The following SLC44A4 variants were observed in gnomAD, a reference collection of about 807,000 sequenced individuals.
The protein encoded by SLC44A4 is solute carrier family 44 member 4.
SLC44A4 carries 74 observed loss-of-function variants against 97.0 expected under a neutral mutation model. That is an observed-to-expected ratio of 0.76 (90% CI 0.63 to 0.93). SLC44A4 has a LOEUF of 0.93. Among genes scored for constraint, SLC44A4 ranks in the 40% least tolerant of loss-of-function variants. The probability of loss-of-function intolerance (pLI) is 0.00; values close to 1 mark genes in which losing one functional copy is unlikely to be tolerated. For missense variants in SLC44A4, 799 were observed against 902.9 expected (o/e 0.88, Z 1.48); for synonymous variants, 325 against 363.8 (o/e 0.89, Z 1.21).
chr6:31,871,596 C>T (rs769262646), intron 7 of SLC44A4, 35 bp from the exon 8 acceptor site: 1 of 1,551,250 alleles, frequency 6.4e-7, no homozygotes, highest in Non-Finnish European at 8.9e-7. Context: ...GGTTGGGGGC[C>T]AGGAGCTCTG....
Position 31,864,882 on chromosome 6 carries a change from A to G in SLC44A4, c.1860T>C (p.Gly620=), listed in dbSNP as rs1173540092. The G allele has an allele frequency of 6.2e-7, 1 of 1,614,014 alleles. No homozygotes were observed. The highest frequency in any genetic ancestry group is 8.5e-7 in the Non-Finnish European group (1 of 1,179,970). ...AGTCTTTACCCAGCCCCGGGATGCG[A>G]CCGGAGAAAAAAAAGAAGGACAGGA... ...VGVLSFFFFS[G]RIPGLGKDFK... The change falls in exon 19 of 21, where the codon GGT becomes GGC. Residue 620 remains glycine, a synonymous_variant. Transcript: ENST00000229729.
chr6:31,875,117 G>T, intron 4 of SLC44A4, 89 bp from the exon 5 acceptor site: 2 of 1,049,306 alleles, frequency 1.9e-6, no homozygotes. Context: ...CAAGAATACA[G>T]TGGGCCCAGC....
chr6:31,877,952 G>A lies in SLC44A4; in HGVS notation c.41-870C>T, dbSNP rs976580722. ...AATGATTGACCTGAAGCCGCTCCAG[G>A]AAGTCTACTCGGGAGTCCTCACTGC... On this transcript the variant is annotated intron_variant, in intron 1 of 20. Transcript: ENST00000229729. The surrounding 1 kb of genome is among the most constrained non-coding windows in gnomAD (Gnocchi z 6.5). 2 of 152,202 alleles carry A rather than the reference G, an allele frequency of 1.3e-5. No individual in the cohort carries two copies. Among genetic ancestry groups the A allele is most frequent in the African/African-American group, 4.8e-5 (2 of 41,364 alleles). The allele number at this position is 152,202 out of a possible 1,614,324, so 9.4% of individuals were successfully genotyped here.
rs187672423 is a variant in SLC44A4 at position 31,878,472 on chromosome 6, C to T, written c.40+469G>A. Among the ~76,000 whole-genome samples the T allele has an allele frequency of 2.2e-4, 34 of 152,214 alleles. No homozygotes were observed. The highest frequency in any genetic ancestry group is 1.4e-3 in the East Asian group (7 of 5,162). ...GAGCCGGCAGACCACAAGCAGCTTT[C>T]GCCCTCAGAGACCCAGACTCCAGGC... On this transcript the variant is annotated intron_variant, in intron 1 of 20. Coordinates refer to ENST00000229729, the MANE Select transcript of SLC44A4 (RefSeq NM_025257.3). This position sits in a 1 kb window ranked among gnomAD's most constrained non-coding sequence, Gnocchi z 4.0.
Position 31,869,595 on chromosome 6 carries a change from G to C in SLC44A4, c.1080C>G (p.Val360=), listed in dbSNP as rs1019447948. 1 of 1,607,678 alleles carries C rather than the reference G, an allele frequency of 6.2e-7. No homozygotes were observed. The highest frequency in any genetic ancestry group is 8.5e-7 in the Non-Finnish European group (1 of 1,177,602). Residue 360 remains valine (V), a synonymous_variant, in exon 12 of 21, where the codon GTC becomes GTG. Transcript: ENST00000229729. ...QMMSTMFYPL[V]TFVLLLICIA... ...TGCAGATGAGGAGGAGGACAAAGGT[G>C]ACCAGTGGGTAGAACATGGTAGACA...
Position 31,865,623 on chromosome 6 carries a change from G to A in SLC44A4, c.1583-22C>T. 1.9e-6 allele frequency: 3 copies of A among 1,609,644 alleles called. No homozygotes were observed. The highest frequency in any genetic ancestry group is 2.5e-6 in the Non-Finnish European group (3 of 1,176,966). ...ACTCCTGGGAGCGAGGAAGGCTCAT[G>A]TTTGGTCACTGCCCCTCCCTAATGG... On this transcript the variant is annotated intron_variant, in intron 15 of 20. Transcript: ENST00000229729. The surrounding 1 kb of genome is among the most constrained non-coding windows in gnomAD (Gnocchi z 5.2).
rs771743354 is a variant in SLC44A4 at position 31,865,507 on chromosome 6, T to G, written c.1677A>C (p.Ala559=). 6.2e-7 allele frequency: 1 copy of G among 1,606,618 alleles called. No individual in the cohort carries two copies. The highest frequency in any genetic ancestry group is 1.3e-5 in the African/African-American group (1 of 74,642). Residue 559 remains alanine, a synonymous_variant, in exon 16 of 21, where the codon GCA becomes GCC. Transcript: ENST00000229729. The surrounding 1 kb of genome is among the most constrained non-coding windows in gnomAD (Gnocchi z 5.2). The part of the protein sequence containing the change: ...EKFIKFLNRN[A]YIMIAIYGKN... ...TTGCAGTGTAGCTCACCATGATGTA[T>G]GCATTGCGGTTTAGGAACTTGATAA...
At position 31,874,526 on chromosome 6, in the gene SLC44A4, G is replaced by T. The variant is rs1470572689; in HGVS notation, c.469-6C>A. The T allele has an allele frequency of 3.7e-6, 6 of 1,612,376 alleles. No individual in the cohort carries two copies. The Admixed American group carries it at 1.0e-4, about 27-fold the overall frequency. On this transcript the variant is annotated splice_polypyrimidine_tract_variant and splice_region_variant and intron_variant, in intron 6 of 20. Transcript: ENST00000229729. This position sits in a 1 kb window ranked among gnomAD's most constrained non-coding sequence, Gnocchi z 4.8. ...TGCAGGCTTGTGATCACCGTCTGTG[G>T]CAGGAGTGAAAGGACAGACACACAG...
Position 31,877,515 on chromosome 6 carries a change from C to A in SLC44A4, c.41-433G>T. On this transcript the variant is annotated intron_variant, in intron 1 of 20. Coordinates refer to ENST00000229729, the MANE Select transcript of SLC44A4 (RefSeq NM_025257.3). This position sits in a 1 kb window ranked among gnomAD's most constrained non-coding sequence, Gnocchi z 6.5. ...GGGACCACACAGACCCACAGCCCCT[C>A]AGGGAGGTCATGGCCTCTTCCCCTA... 1 of 811,008 alleles carries A rather than the reference C, an allele frequency of 1.2e-6. No individual in the cohort carries two copies. The highest frequency in any genetic ancestry group is 1.0e-4 in the East Asian group (1 of 9,672). The allele number at this position is 811,008 out of a possible 1,614,324, so 50.2% of individuals were successfully genotyped here.
rs1344636046 is a variant in SLC44A4 at position 31,874,385 on chromosome 6, G to A, written c.529+75C>T. The stretch of plus-strand genomic sequence containing the variant: ...CAAGCTATGTGACTTCACTCTCTCT[G>A]GGCCTGATTTCTTCATTCAAGCAAT... On this transcript the variant is annotated intron_variant, in intron 7 of 20. Transcript: ENST00000229729. The surrounding 1 kb of genome is among the most constrained non-coding windows in gnomAD (Gnocchi z 4.8). The A allele has an allele frequency of 6.6e-7, 1 of 1,522,096 alleles. No homozygotes were observed. Among genetic ancestry groups the A allele is most frequent in the East Asian group, 2.3e-5 (1 of 44,398 alleles). The allele number at this position is 1,522,096 out of a possible 1,614,324, so 94.3% of individuals were successfully genotyped here.
intron 11 of SLC44A4, among the ~76,000 whole-genome samples, chr6:31,869,973 A>C (rs1293092223): frequency 6.9e-4 from 92 of 133,000 alleles, no homozygotes; most frequent in Middle Eastern, 4.0e-3. Flanking sequence ...CGACAGAGCG[A>C]GACTCCGTCT....
At position 31,874,879 on chromosome 6, in the gene SLC44A4, C is replaced by A; in HGVS notation, c.343-33G>T. 6.2e-7 allele frequency: 1 copy of A among 1,613,194 alleles called. No individual in the cohort carries two copies. Among genetic ancestry groups the A allele is most frequent in the South Asian group, 1.1e-5 (1 of 90,964 alleles). Reference sequence around the variant, plus strand: ...CAGAGAGAACACTAAGGGGCTGGAACCTGAGACCCTGGGTGAGATCTGGGG... The same window carrying A: ...CAGAGAGAACACTAAGGGGCTGGAAACTGAGACCCTGGGTGAGATCTGGGG... On this transcript the variant is annotated intron_variant, in intron 5 of 20. Coordinates refer to ENST00000229729, the MANE Select transcript of SLC44A4 (RefSeq NM_025257.3). This position sits in a 1 kb window ranked among gnomAD's most constrained non-coding sequence, Gnocchi z 4.8.
intron 4 of SLC44A4, 90 bp downstream of exon 4, chr6:31,875,762 G>A (rs1024655377): frequency 4.1e-5 from 48 of 1,179,922 alleles, no homozygotes; most frequent in African/African-American, 7.7e-5. Context: ...GGAAGAGCAC[G>A]GACAGGTCTG....
intron 9 of SLC44A4, 70 bp downstream of exon 9, chr6:31,871,244 T>A: frequency 6.7e-7 from 1 of 1,482,922 alleles, no homozygotes; most frequent in Non-Finnish European, 9.4e-7. Context: ...TTTCAGACAT[T>A]GGGCGAGGGG....
chr6:31,870,690 G>A lies in SLC44A4; in HGVS notation c.950C>T (p.Ala317Val), dbSNP rs771651432. ...ETWLAALIVL[A>V]VLEAILLLML... ...CAGCAGCAGGATGGCTTCAAGCACCGCCAACACGATCACTGCAGAGGACGG... is the reference window on the plus strand; with the variant it reads ...CAGCAGCAGGATGGCTTCAAGCACCACCAACACGATCACTGCAGAGGACGG... The change falls in exon 11 of 21, where the codon GCG (alanine) becomes GTG (valine). Residue 317 changes from alanine to valine, a missense_variant. Coordinates refer to ENST00000229729, the MANE Select transcript of SLC44A4 (RefSeq NM_025257.3). The A allele has an allele frequency of 2.5e-6, 4 of 1,611,074 alleles. No individual in the cohort carries two copies. Among genetic ancestry groups the A allele is most frequent in the East Asian group, 2.2e-5 (1 of 44,748 alleles).
Position 31,877,111 on chromosome 6 carries a change from ATGAGTCTCTC to A in SLC44A4, c.41-39_41-30del. Reference sequence around the variant, plus strand: ...AGGGACATGAGAAGAGGTGTGGAGGATGAGTCTCTCTCTGCATATCTTGTCCTGCTGAGTC... The same window carrying A: ...AGGGACATGAGAAGAGGTGTGGAGGATCTGCATATCTTGTCCTGCTGAGTC... On this transcript the variant is annotated intron_variant, in intron 1 of 20. Transcript: ENST00000229729. The surrounding 1 kb of genome is among the most constrained non-coding windows in gnomAD (Gnocchi z 6.5). The A allele has an allele frequency of 1.2e-6, 2 of 1,602,784 alleles. No homozygotes were observed. Among genetic ancestry groups the A allele is most frequent in the Non-Finnish European group, 1.7e-6 (2 of 1,174,982 alleles).
At chr6:31,867,302 C>A (rs1213683874) in intron 13 of SLC44A4, among the ~76,000 whole-genome samples, 2 of 150,774 alleles carry the variant, frequency 1.3e-5, no homozygotes, top group Admixed American at 6.6e-5. Context: ...ACCATATTGG[C>A]CAGGTTGGTC....
rs1763044458 is a variant in SLC44A4 at position 31,869,640 on chromosome 6, G to A, written c.1038-3C>T. The A allele has an allele frequency of 1.9e-6, 3 of 1,596,422 alleles. No homozygotes were observed. The highest frequency in any genetic ancestry group is 1.7e-5 in the Admixed American group (1 of 57,462). On this transcript the variant is annotated splice_polypyrimidine_tract_variant and splice_region_variant and intron_variant, in intron 11 of 20. Coordinates refer to ENST00000229729, the MANE Select transcript of SLC44A4 (RefSeq NM_025257.3). ...TAGACATCATCTGTCCCACAGCCCT[G>A]CAGGGAGACAAAGCTGTTAACCGGC... is the stretch of plus-strand genomic sequence containing the variant.
rs1762852117 is a variant in SLC44A4 at position 31,866,069 on chromosome 6, A to G, written c.1291T>C (p.Ser431Pro). ...GLMCVFQGYSSKGLIQRSVFN... is the reference protein window; with the variant it reads ...GLMCVFQGYSPKGLIQRSVFN... ...ACAGAACGTTGGATTAGGCCTTTGG[A>G]TGAGTAGCCCTGGAAGACGCACATC... Residue 431 changes from serine to proline, a missense_variant, in exon 14 of 21, where the codon TCC becomes CCC. By Grantham distance (74) the Ser-to-Pro change is moderately conservative. This residue lies in a region of SLC44A4 where 379 missense variants were observed against 438.3 expected (regional missense o/e 0.86). Transcript: ENST00000229729. 6.2e-7 allele frequency: 1 copy of G among 1,614,062 alleles called. No individual in the cohort carries two copies.
Sources: gnomAD v4.1 joint callset for allele counts (sites outside exome capture counted in the v4.1 genomes callset) on GRCh38, gnomAD v4.1.1 for gene constraint, gnomAD v4.1.1 regional missense constraint, Gnocchi (gnomAD v3.1) non-coding constraint, MANE v1.5 for transcripts, NCBI Gene and HGNC (gene_info 2026-07-23, HGNC 2026-07-21) for gene names.